Variants in ADNP observed in about 807,000 individuals in gnomAD.
ADNP encodes the protein activity-dependent neuroprotector homeobox protein.
A neutral mutation model predicts 84.9 loss-of-function variants in ADNP; 4 were observed. That is an observed-to-expected ratio of 0.05 (90% CI 0.02 to 0.11). The LOEUF is 0.11. Ranked by LOEUF, ADNP falls within the 10% of genes least tolerant of loss-of-function variation. The probability of loss-of-function intolerance (pLI) is 1.00; values close to 1 mark genes in which losing one functional copy is unlikely to be tolerated. For missense variants in ADNP, 1,132 were observed against 1,326.0 expected, an observed-to-expected ratio of 0.85 and a Z score of 2.27; for synonymous variants, 554 against 468.1, an observed-to-expected ratio of 1.18 and a Z score of -2.37.
intron 1 of ADNP, among the ~76,000 whole-genome samples, chr20:50,929,853 TTG>T (rs1984546088): frequency 6.6e-6 from 1 of 152,120 alleles, no homozygotes; most frequent in Non-Finnish European, 1.5e-5. Context: ...TCCTAAGCCT[TTG>T]TCTGTGAAAT....
chr20:50,896,585 CATTT>C (rs1415730254), intron 5 of ADNP, among the ~76,000 whole-genome samples: 1 of 152,086 alleles, frequency 6.6e-6, no homozygotes, highest in Non-Finnish European at 1.5e-5. Context: ...ACTTTAAAAA[CATTT>C]TTTTTCTTAA....
rs577872266 is a variant in ADNP at position 50,926,056 on chromosome 20, G to C, written c.-90+2595C>G. 5.3e-4 allele frequency among the ~76,000 whole-genome samples: 81 copies of C among 152,246 alleles called. No individual in the cohort carries two copies. In the South Asian group the frequency reaches 0.014, roughly 26 times the overall value. ...CAGAGGTTGCAGTGAGCCGACATTG[G>C]GCCACCGCACCCCAGCCTGGGAGAC... On this transcript the variant is annotated intron_variant, in intron 2 of 5. Coordinates refer to ENST00000621696, the MANE Select transcript of ADNP (RefSeq NM_001282531.3).
At chr20:50,902,893 T>TGGG (rs1001758625) in intron 4 of ADNP, among the ~76,000 whole-genome samples, 1 of 152,224 alleles carries the variant, frequency 6.6e-6, no homozygotes, top group African/African-American at 2.4e-5. Context: ...ACCTGAACTC[T>TGGG]GGGGTTGGAG....
At position 50,891,888 on chromosome 20, in the gene ADNP, A is replaced by C. The variant is rs1452407218; in HGVS notation, c.2826T>G (p.Thr942=). The change falls in exon 6 of 6, where the codon ACT becomes ACG. Residue 942 remains threonine (T), a synonymous_variant. Coordinates refer to ENST00000621696, the MANE Select transcript of ADNP (RefSeq NM_001282531.3). ...DGSKYETIHL[T]EEPTKLMHNA... ...TGTGCATTAGTTTGGTTGGTTCCTC[A>C]GTCAAATGAATAGTTTCGTATTTTG... 2 of 1,614,116 alleles carry C rather than the reference A, an allele frequency of 1.2e-6. No homozygotes were observed. Among genetic ancestry groups the C allele is most frequent in the Admixed American group, 3.3e-5 (2 of 60,010 alleles).
Position 50,891,526 on chromosome 20 carries a change from T to A in ADNP, c.3188A>T (p.Glu1063Val). 1.2e-6 allele frequency: 2 copies of A among 1,612,112 alleles called. No homozygotes were observed. Among genetic ancestry groups the A allele is most frequent in the Non-Finnish European group, 1.7e-6 (2 of 1,180,022 alleles). ...NDERLSNPQI[E>V]WQNSTIDSED... ...ACTGTCAATTGTGCTATTCTGCCACTCAATCTGGGGGTTAGATAAGCGCTC... is the reference window on the plus strand; with the variant it reads ...ACTGTCAATTGTGCTATTCTGCCACACAATCTGGGGGTTAGATAAGCGCTC... The change falls in exon 6 of 6, where the codon GAG becomes GTG. Residue 1063 changes from glutamate to valine, a missense_variant. Transcript: ENST00000621696.
At chr20:50,930,191 G>T (rs1195767726) in intron 1 of ADNP, among the ~76,000 whole-genome samples, 1 of 152,174 alleles carries the variant, frequency 6.6e-6, no homozygotes, top group South Asian at 2.1e-4. Flanking sequence ...TGCAAAGTTG[G>T]GGCTCAGAAT....
intron 2 of ADNP, among the ~76,000 whole-genome samples, chr20:50,922,583 T>TTG (rs1555816453): frequency 6.8e-6 from 1 of 147,404 alleles, no homozygotes; most frequent in African/African-American, 2.6e-5. Flanking sequence ...CCTGCGTTTT[T>TTG]TTTTTTTTTT....
chr20:50,931,255 G>GT lies in ADNP; in HGVS notation c.-695_-694insA, dbSNP rs1456581057. The GT allele has an allele frequency of 8.9e-6, 1 of 112,308 alleles. No individual in the cohort carries two copies. The allele number at this position is 112,308 out of a possible 1,614,324, so 7.0% of individuals were successfully genotyped here. On this transcript the variant is annotated 5_prime_UTR_variant, in exon 1 of 6. Transcript: ENST00000621696. ...GGGCACAAGATGGCGGCGGCCGGGG[G>GT]GGGGGGGGCGGGAGTTCAGCTCATG...
At chr20:50,911,878 T>C (rs1477803884) in intron 2 of ADNP, among the ~76,000 whole-genome samples, 2 of 151,792 alleles carry the variant, frequency 1.3e-5, no homozygotes, top group Non-Finnish European at 2.9e-5. Flanking sequence ...CTTGTCCAGA[T>C]TACATTTTAA....
intron 2 of ADNP, among the ~76,000 whole-genome samples, chr20:50,911,751 TGAAA>T (rs1214017705): frequency 6.6e-6 from 1 of 152,118 alleles, no homozygotes; most frequent in African/African-American, 2.4e-5. Context: ...TAGTATCATC[TGAAA>T]GAAAGACAAA....
chr20:50,896,263 A>G (rs1420054960), intron 5 of ADNP, among the ~76,000 whole-genome samples: 1 of 152,064 alleles, frequency 6.6e-6, no homozygotes, highest in African/African-American at 2.4e-5. Flanking sequence ...CACATTGTAC[A>G]GCCGTACAAA....
intron 5 of ADNP, 71 bp from the exon 6 acceptor site, chr20:50,894,583 C>A: frequency 4.1e-6 from 6 of 1,478,918 alleles, no homozygotes; most frequent in Non-Finnish European, 5.4e-6. Context: ...CAGATCCCCC[C>A]CGGATATTCT....
Position 50,889,985 on chromosome 20 carries a change from A to G in ADNP, c.*1420T>C, listed in dbSNP as rs1980489118. Reference sequence around the variant, plus strand: ...AGAAGAAAAAACAAACAAAAAACCCATCAGGCTATTAAGATTCTGCTTGCA... The same window carrying G: ...AGAAGAAAAAACAAACAAAAAACCCGTCAGGCTATTAAGATTCTGCTTGCA... On this transcript the variant is annotated 3_prime_UTR_variant, in exon 6 of 6. Coordinates refer to ENST00000621696, the MANE Select transcript of ADNP (RefSeq NM_001282531.3). 5.0e-6 allele frequency: 2 copies of G among 397,590 alleles called. No individual in the cohort carries two copies. Among genetic ancestry groups the G allele is most frequent in the South Asian group, 2.6e-4 (2 of 7,766 alleles). The allele number at this position is 397,590 out of a possible 1,614,324, so 24.6% of individuals were successfully genotyped here.
chr20:50,914,306 G>T (rs904518271), intron 2 of ADNP: 11 of 693,628 alleles, frequency 1.6e-5, no homozygotes, highest in Non-Finnish European at 2.1e-5. Flanking sequence ...GTCCCAAGGA[G>T]CAATATTTAC....
intron 5 of ADNP, among the ~76,000 whole-genome samples, chr20:50,897,045 G>A (rs1280322267): frequency 6.6e-6 from 1 of 152,156 alleles, no homozygotes; most frequent in South Asian, 2.1e-4. Context: ...GGGTTCAAGC[G>A]ATTCTCCTGC....
intron 2 of ADNP, among the ~76,000 whole-genome samples, chr20:50,907,591 A>AGAACATTCTACAACTTT (rs1982616380): frequency 1.3e-5 from 2 of 150,358 alleles, no homozygotes; most frequent in East Asian, 2.0e-4. Flanking sequence ...ATGTTAACTC[A>AGAACATTCTACAACTTT]CGTTAACGCC....
intron 2 of ADNP, among the ~76,000 whole-genome samples, chr20:50,913,098 A>G (rs555207113): frequency 5.7e-4 from 87 of 151,824 alleles, no homozygotes; most frequent in African/African-American, 2.0e-3. Context: ...TAAAAATACA[A>G]TAAAATTAGC....
intron 2 of ADNP, among the ~76,000 whole-genome samples, chr20:50,906,963 G>GTTT (rs751919326): frequency 0.011 from 1,324 of 118,898 alleles, 55 homozygotes; most frequent in Non-Finnish European, 0.013. Flanking sequence ...CAGGGTTCCA[G>GTTT]TTTTTTTTTT....
chr20:50,901,318 A>AT (rs1163019639), intron 5 of ADNP, among the ~76,000 whole-genome samples: 49 of 64,252 alleles, frequency 7.6e-4, no homozygotes, highest in African/African-American at 2.2e-3. Context: ...TGCCTGGGGT[A>AT]TTTAAAAAAA....
Sources: gnomAD v4.1 joint callset for allele counts (sites outside exome capture counted in the v4.1 genomes callset) on GRCh38, gnomAD v4.1.1 for gene constraint, MANE v1.5 for transcripts, NCBI Gene and HGNC (gene_info 2026-07-23, HGNC 2026-07-21) for gene names.